Variants in MYRIP observed in about 807,000 individuals in gnomAD.
The protein encoded by MYRIP is myosin VIIA and Rab interacting protein.
In MYRIP, 49 loss-of-function variants were observed where a neutral mutation model predicts 98.0. The ratio of observed to expected loss-of-function variants is 0.50; its 90% CI spans 0.40 to 0.63. The LOEUF (loss-of-function observed/expected upper bound fraction) is 0.63, where lower values mean the gene tolerates loss of function less well. MYRIP is among the 30% of genes least tolerant of loss of function. The pLI, the probability that MYRIP is intolerant of heterozygous loss-of-function variation, is 0.00. For synonymous variants in MYRIP, 404 were observed against 409.5 expected (o/e 0.99, Z 0.16); for missense variants, 1,004 against 1,058.2 (o/e 0.95, Z 0.71).
chr3:40,144,537 A>G (rs1234985465), intron 3 of MYRIP, among the ~76,000 whole-genome samples: 1 of 152,214 alleles, frequency 6.6e-6, no homozygotes, highest in African/African-American at 2.4e-5. Context: ...CCAGCTGCAG[A>G]GCTGAGCCTT....
At chr3:40,230,809 C>T (rs1346099842) in intron 11 of MYRIP, among the ~76,000 whole-genome samples, 1 of 151,560 alleles carries the variant, frequency 6.6e-6, no homozygotes, top group Non-Finnish European at 1.5e-5. Context: ...AATTTTTGTT[C>T]AGTCACTTCT....
At position 39,873,527 on chromosome 3, in the gene MYRIP, G is replaced by A. The variant is rs566191047; in HGVS notation, c.-30-27260G>A. ...AATTGATTTTGGTATAAGGTGTAAG[G>A]AAGGGATCCAGTTTCAGCTTTCTAC... On this transcript the variant is annotated intron_variant, in intron 1 of 16. Coordinates refer to ENST00000302541, the MANE Select transcript of MYRIP (RefSeq NM_015460.4). 6.6e-3 allele frequency among the ~76,000 whole-genome samples: 1,005 copies of A among 152,266 alleles called. 4 individuals carry two copies. Among genetic ancestry groups the A allele is most frequent in the Non-Finnish European group, 9.5e-3 (643 of 68,026 alleles).
chr3:40,040,350 G>A lies in MYRIP; in HGVS notation c.111-3700G>A, dbSNP rs1247033315. On this transcript the variant is annotated intron_variant, in intron 2 of 16. Transcript: ENST00000302541. The stretch of plus-strand genomic sequence containing the variant: ...AACAACAGGTGCTGGAGAGGATGTG[G>A]AGAAATAGGAACACTTTTACACTGT... 2.4e-5 allele frequency among the ~76,000 whole-genome samples: 3 copies of A among 126,638 alleles called. No homozygotes were observed. The Admixed American group carries it at 2.5e-4, about 11-fold the overall frequency. The allele number at this position is 126,638 out of a possible 152,430, so 83.1% of individuals were successfully genotyped here.
chr3:39,967,176 A>T (rs1002352882), intron 2 of MYRIP, among the ~76,000 whole-genome samples: 1 of 152,062 alleles, frequency 6.6e-6, no homozygotes, highest in African/African-American at 2.4e-5. Context: ...TGTTGTAGAG[A>T]TTATATCATC....
At chr3:39,981,169 A>G (rs1016694210) in intron 2 of MYRIP, among the ~76,000 whole-genome samples, 1 of 152,226 alleles carries the variant, frequency 6.6e-6, no homozygotes, top group East Asian at 1.9e-4. Flanking sequence ...CCTTTACCAA[A>G]CATAATCAGA....
At chr3:40,188,109 C>T (rs759670166) in intron 9 of MYRIP, among the ~76,000 whole-genome samples, 1 of 152,216 alleles carries the variant, frequency 6.6e-6, no homozygotes, top group Non-Finnish European at 1.5e-5. Context: ...GTCTGAGCTG[C>T]AGTCAGGCAG....
intron 1 of MYRIP, among the ~76,000 whole-genome samples, chr3:39,811,495 T>G (rs1246168619): frequency 6.6e-6 from 1 of 152,118 alleles, no homozygotes; most frequent in Non-Finnish European, 1.5e-5. Flanking sequence ...TTAGAGAAAT[T>G]TAGTTTCCCA....
chr3:39,822,654 G>A (rs1941137138), intron 1 of MYRIP, among the ~76,000 whole-genome samples: 1 of 152,072 alleles, frequency 6.6e-6, no homozygotes, highest in African/African-American at 2.4e-5. Flanking sequence ...TCATCTAGCT[G>A]TAATTTTGTA....
At chr3:40,104,435 A>T (rs548323479) in intron 3 of MYRIP, among the ~76,000 whole-genome samples, 49 of 152,370 alleles carry the variant, frequency 3.2e-4, no homozygotes, top group African/African-American at 1.2e-3. Flanking sequence ...AGAGGTATAG[A>T]TGAAGTAATC....
chr3:40,183,876 A>G (rs1255708524), intron 9 of MYRIP, among the ~76,000 whole-genome samples: 3 of 152,250 alleles, frequency 2.0e-5, no homozygotes, highest in African/African-American at 4.8e-5. Context: ...AAAAGATTTA[A>G]CCAACAACTA....
At chr3:40,178,704 C>T (rs1950821864) in intron 8 of MYRIP, among the ~76,000 whole-genome samples, 1 of 152,210 alleles carries the variant, frequency 6.6e-6, no homozygotes, top group Non-Finnish European at 1.5e-5. Context: ...GATCCCTTAA[C>T]ATGAGGAAAC....
chr3:39,869,387 T>G (rs1346767062), intron 1 of MYRIP, among the ~76,000 whole-genome samples: 1 of 152,242 alleles, frequency 6.6e-6, no homozygotes, highest in African/African-American at 2.4e-5. Flanking sequence ...ACTTTTCAAC[T>G]CCAGAATTTT....
At chr3:40,127,060 G>C (rs1184396663) in intron 3 of MYRIP, among the ~76,000 whole-genome samples, 1 of 152,144 alleles carries the variant, frequency 6.6e-6, no homozygotes, top group African/African-American at 2.4e-5. Context: ...GGTAAACCAA[G>C]GTCCTCCTAC....
intron 3 of MYRIP, among the ~76,000 whole-genome samples, chr3:40,098,244 GAAGT>G (rs1328749830): frequency 2.6e-5 from 4 of 152,114 alleles, no homozygotes; most frequent in Non-Finnish European, 5.9e-5. Flanking sequence ...CATTTTTTAA[GAAGT>G]AAGGCCATTG....
intron 1 of MYRIP, among the ~76,000 whole-genome samples, chr3:39,859,110 G>T (rs1480503258): frequency 4.5e-5 from 6 of 132,394 alleles, no homozygotes; most frequent in Admixed American, 2.3e-4. Context: ...TTGGTTTTTT[G>T]AAAAAAAAAA....
chr3:40,199,696 T>A (rs1455663692), intron 10 of MYRIP, among the ~76,000 whole-genome samples: 1 of 152,196 alleles, frequency 6.6e-6, no homozygotes, highest in African/African-American at 2.4e-5. Context: ...CCCTCTGCCC[T>A]TCAATTCTCC....
chr3:40,089,573 T>C (rs575186348), intron 3 of MYRIP, among the ~76,000 whole-genome samples: 4 of 152,190 alleles, frequency 2.6e-5, no homozygotes, highest in Admixed American at 6.5e-5. Context: ...GAAGTGTTTA[T>C]TGGATTTGAC....
At chr3:40,076,602 G>A (rs1265458128) in intron 3 of MYRIP, among the ~76,000 whole-genome samples, 4 of 152,210 alleles carry the variant, frequency 2.6e-5, no homozygotes, top group African/African-American at 9.6e-5. Flanking sequence ...AGGAGAGCAT[G>A]GAGGAGGACC....
At chr3:40,047,746 T>G (rs1575494232) in intron 3 of MYRIP, among the ~76,000 whole-genome samples, 1 of 152,224 alleles carries the variant, frequency 6.6e-6, no homozygotes, top group African/African-American at 2.4e-5. Flanking sequence ...AAGGCCCTGT[T>G]TGACAGAGAA....
Sources: allele counts gnomAD v4.1 joint callset (sites outside exome capture counted in the v4.1 genomes callset), GRCh38; gene constraint gnomAD v4.1.1; transcripts MANE v1.5; gene names NCBI Gene and HGNC (gene_info 2026-07-23, HGNC 2026-07-21).